Variants in EHBP1 observed in about 807,000 individuals in gnomAD.
The protein encoded by EHBP1 is EH domain-binding protein 1.
EHBP1 carries 55 observed loss-of-function variants against 144.0 expected under a neutral mutation model. The observed-to-expected ratio is 0.38, with a 90% CI of 0.31 to 0.48. The LOEUF (loss-of-function observed/expected upper bound fraction) is 0.48. EHBP1 is among the 20% of genes least tolerant of loss of function. The probability of loss-of-function intolerance (pLI) is 0.98; values close to 1 mark genes in which losing one functional copy is unlikely to be tolerated. For missense variants in EHBP1, 1,200 were observed against 1,364.2 expected (o/e 0.88, Z 1.90); for synonymous variants, 469 against 472.7 (o/e 0.99, Z 0.10).
At chr2:62,920,032 G>C (rs912901811) in intron 10 of EHBP1, among the ~76,000 whole-genome samples, 17 of 152,120 alleles carry the variant, frequency 1.1e-4, no homozygotes, top group Non-Finnish European at 4.4e-5. Context: ...GGATTCCCGG[G>C]AGTGGAAAAG....
intron 1 of EHBP1, among the ~76,000 whole-genome samples, chr2:62,685,911 A>G (rs958359477): frequency 8.5e-5 from 13 of 152,224 alleles, no homozygotes; most frequent in Non-Finnish European, 1.5e-5. Flanking sequence ...TTTTAGAGCA[A>G]CAAATTGAAG....
At chr2:62,707,850 T>A (rs1357173482) in intron 2 of EHBP1, among the ~76,000 whole-genome samples, 1 of 152,224 alleles carries the variant, frequency 6.6e-6, no homozygotes, top group Non-Finnish European at 1.5e-5. Context: ...CTCAGGCAAC[T>A]GTATTTTATT....
At chr2:62,734,888 A>G (rs1003570916) in intron 2 of EHBP1, among the ~76,000 whole-genome samples, 5 of 152,028 alleles carry the variant, frequency 3.3e-5, no homozygotes, top group Non-Finnish European at 5.9e-5. Context: ...GCCACTGTGC[A>G]TGGCCCTTCC....
chr2:62,926,909 G>A (rs1452017064), intron 10 of EHBP1, among the ~76,000 whole-genome samples: 3 of 152,050 alleles, frequency 2.0e-5, no homozygotes, highest in Non-Finnish European at 4.4e-5. Flanking sequence ...TGCAGCACTG[G>A]TCATGTTAGC....
At chr2:62,779,550 T>C (rs1573307048) in intron 5 of EHBP1, among the ~76,000 whole-genome samples, 1 of 152,342 alleles carries the variant, frequency 6.6e-6, no homozygotes, top group East Asian at 1.9e-4. Context: ...TACACAGCAC[T>C]AACCAGAATA....
chr2:62,695,253 C>T (rs1237992965), intron 1 of EHBP1, among the ~76,000 whole-genome samples: 1 of 151,994 alleles, frequency 6.6e-6, no homozygotes, highest in Non-Finnish European at 1.5e-5. Flanking sequence ...CCCAACTACT[C>T]GGGAGGCTGA....
At chr2:62,865,500 G>A (rs1390318063) in intron 9 of EHBP1, among the ~76,000 whole-genome samples, 1 of 152,168 alleles carries the variant, frequency 6.6e-6, no homozygotes, top group Admixed American at 6.5e-5. Context: ...GGATAAAAAG[G>A]GGATGTGTTC....
chr2:62,850,257 C>G (rs535511894), intron 7 of EHBP1, among the ~76,000 whole-genome samples: 15 of 152,164 alleles, frequency 9.9e-5, no homozygotes, highest in African/African-American at 3.4e-4. Context: ...TAGAGAATAA[C>G]GAAGGTACTG....
chr2:63,022,233 T>C (rs976572871), intron 19 of EHBP1, among the ~76,000 whole-genome samples: 4 of 152,172 alleles, frequency 2.6e-5, no homozygotes, highest in Non-Finnish European at 2.9e-5. Flanking sequence ...TTTCACATCA[T>C]TGGCCATTCT....
upstream of EHBP1, among the ~76,000 whole-genome samples, chr2:62,702,330 C>G (rs1271024984): frequency 6.6e-6 from 1 of 152,090 alleles, no homozygotes; most frequent in Non-Finnish European, 1.5e-5. Context: ...GTCAAATGGA[C>G]AGGATAATTA....
intron 5 of EHBP1, among the ~76,000 whole-genome samples, chr2:62,789,598 G>T (rs1457992929): frequency 2.6e-5 from 4 of 152,176 alleles, no homozygotes; most frequent in Admixed American, 2.6e-4. Flanking sequence ...ATCACTTAAA[G>T]ATGACAGCTG....
At chr2:63,031,797 C>T (rs1574551652) in intron 19 of EHBP1, among the ~76,000 whole-genome samples, 1 of 151,998 alleles carries the variant, frequency 6.6e-6, no homozygotes, top group Admixed American at 6.6e-5. Flanking sequence ...GGTGTGGTGG[C>T]GCACACCTGT....
At chr2:62,919,029 G>GA (rs2054858348) in intron 10 of EHBP1, among the ~76,000 whole-genome samples, 1 of 152,194 alleles carries the variant, frequency 6.6e-6, no homozygotes, top group Admixed American at 6.5e-5. Context: ...ATCCATCCCT[G>GA]ATTCTCCAGC....
chr2:62,823,889 T>G (rs1186830802), intron 5 of EHBP1, among the ~76,000 whole-genome samples: 1 of 151,978 alleles, frequency 6.6e-6, no homozygotes, highest in Non-Finnish European at 1.5e-5. Flanking sequence ...TATCATAGAC[T>G]AAAAAGAGCT....
At chr2:62,765,669 A>G (rs910291537) in intron 4 of EHBP1, among the ~76,000 whole-genome samples, 49 of 152,310 alleles carry the variant, frequency 3.2e-4, no homozygotes, top group African/African-American at 1.2e-3. Context: ...TGCTATGATG[A>G]GTAAAACACT....
intron 5 of EHBP1, among the ~76,000 whole-genome samples, chr2:62,801,770 T>G (rs2044007122): frequency 6.6e-6 from 1 of 152,378 alleles, no homozygotes. Flanking sequence ...GTTGGTTTGT[T>G]GTATATTTCT....
At chr2:62,985,984 G>A (rs757361315) in intron 15 of EHBP1, among the ~76,000 whole-genome samples, 5 of 152,126 alleles carry the variant, frequency 3.3e-5, no homozygotes, top group Non-Finnish European at 5.9e-5. Flanking sequence ...ACAGTACACA[G>A]TAGAAGTTTC....
intron 10 of EHBP1, among the ~76,000 whole-genome samples, chr2:62,921,624 A>G (rs2055094809): frequency 6.6e-6 from 1 of 152,180 alleles, no homozygotes; most frequent in African/African-American, 2.4e-5. Context: ...CATACAGAAA[A>G]CAACTAGCAA....
intron 10 of EHBP1, among the ~76,000 whole-genome samples, chr2:62,894,715 G>A (rs978629066): frequency 2.0e-5 from 3 of 152,136 alleles, no homozygotes; most frequent in African/African-American, 7.2e-5. Context: ...AGGAATAGTA[G>A]CATTCTATTG....
Sources: allele counts gnomAD v4.1 joint callset (sites outside exome capture counted in the v4.1 genomes callset), GRCh38; gene constraint gnomAD v4.1.1; transcripts MANE v1.5; gene names NCBI Gene and HGNC (gene_info 2026-07-23, HGNC 2026-07-21).